The following MEGF10 variants were observed in gnomAD, a reference collection of about 807,000 sequenced individuals.
MEGF10 encodes multiple EGF like domains 10.
Under a neutral mutation model 147.5 loss-of-function variants are expected in MEGF10, and 86 were observed. The observed-to-expected ratio is 0.58, with a 90% CI of 0.49 to 0.70. The LOEUF is 0.70. Among genes scored for constraint, MEGF10 ranks in the 30% least tolerant of loss-of-function variants. The probability of loss-of-function intolerance (pLI) is 0.00; values close to 1 mark genes in which losing one functional copy is unlikely to be tolerated. For missense variants in MEGF10, 1,329 were observed against 1,487.3 expected (o/e 0.89, Z 1.75); for synonymous variants, 478 against 525.5 (o/e 0.91, Z 1.24).
chr5:127,357,163 G>A (rs1301502628), intron 4 of MEGF10, among the ~76,000 whole-genome samples: 1 of 152,112 alleles, frequency 6.6e-6, no homozygotes, highest in Non-Finnish European at 1.5e-5. Context: ...AAGCTGGAAG[G>A]CTATAATAGA....
chr5:127,405,630 G>C (rs1013247537), intron 8 of MEGF10, among the ~76,000 whole-genome samples: 11 of 152,004 alleles, frequency 7.2e-5, no homozygotes, highest in African/African-American at 2.7e-4. Context: ...GCATAAATTT[G>C]AGCCTCCAAA....
chr5:127,280,194 A>T, the MEGF10 span, among the ~76,000 whole-genome samples: 169 of 152,346 alleles, frequency 1.1e-3, 4 homozygotes, highest in Middle Eastern at 6.8e-3. Flanking sequence ...TGAGAAAATG[A>T]TCCTCTCATT....
At chr5:127,355,450 C>T (rs1393817551) in intron 4 of MEGF10, among the ~76,000 whole-genome samples, 1 of 152,148 alleles carries the variant, frequency 6.6e-6, no homozygotes, top group Non-Finnish European at 1.5e-5. Flanking sequence ...AATATACCTA[C>T]CCATGATGCC....
At chr5:127,394,622 T>G (rs1763830307) in intron 5 of MEGF10, among the ~76,000 whole-genome samples, 1 of 152,098 alleles carries the variant, frequency 6.6e-6, no homozygotes, top group Admixed American at 6.5e-5. Flanking sequence ...CTTAAAGATT[T>G]TTTTCTTTTG....
At chr5:127,409,285 A>T (rs1764459934) in intron 8 of MEGF10, among the ~76,000 whole-genome samples, 1 of 152,224 alleles carries the variant, frequency 6.6e-6, no homozygotes. Context: ...AAAAAATGCA[A>T]GGCTGACCTA....
intron 1 of MEGF10, among the ~76,000 whole-genome samples, chr5:127,320,379 A>G (rs1760743236): frequency 6.6e-6 from 1 of 152,200 alleles, no homozygotes; most frequent in African/African-American, 2.4e-5. Context: ...TAATATGGAA[A>G]ATGACACTCG....
intron 5 of MEGF10, among the ~76,000 whole-genome samples, chr5:127,385,494 T>C (rs1397327103): frequency 6.6e-6 from 1 of 152,058 alleles, no homozygotes; most frequent in Admixed American, 6.5e-5. Flanking sequence ...GCTGGTCTCA[T>C]ACTCCTGACC....
chr5:127,454,557 T>G lies in MEGF10; in HGVS notation c.2981-9T>G, dbSNP rs763805264. The G allele has an allele frequency of 3.7e-6, 6 of 1,607,402 alleles. No homozygotes were observed. The highest frequency in any genetic ancestry group is 1.7e-5 in the Admixed American group (1 of 58,582). ...CTCACTGGGTGTTTTTTTTCTTCCT[T>G]TATTACAGGTGCTTTTGGACTTGAC... On this transcript the variant is annotated splice_polypyrimidine_tract_variant and intron_variant, in intron 22 of 24. Transcript: ENST00000503335.
At chr5:127,284,369 G>A in the MEGF10 span, among the ~76,000 whole-genome samples, 1 of 152,084 alleles carries the variant, frequency 6.6e-6, no homozygotes, top group Admixed American at 6.6e-5. Context: ...GAGCTTTAAG[G>A]CTCCTGAACA....
rs899351178 is a variant in MEGF10, at chr5:127,369,921, G to A, written c.331G>A (p.Asp111Asn). The change falls in exon 5 of 25, where the codon GAT becomes AAT. Residue 111 changes from aspartate to asparagine, a missense_variant. Asp to Asn is a conservative substitution (Grantham distance 23, BLOSUM62 1). Transcript: ENST00000503335. ...SGEMCVPHCADKCVHGRCIAP... is the reference protein window; with the variant it reads ...SGEMCVPHCANKCVHGRCIAP... ...TTTCTCTCTGACAGCCCACTGTGCT[G>A]ATAAATGTGTCCATGGTCGCTGTAT... The A allele has an allele frequency of 1.2e-6, 2 of 1,608,862 alleles. No individual in the cohort carries two copies. Among genetic ancestry groups the A allele is most frequent in the Non-Finnish European group, 1.7e-6 (2 of 1,177,140 alleles).
At chr5:127,367,876 C>T (rs967003069) in intron 4 of MEGF10, among the ~76,000 whole-genome samples, 31 of 152,164 alleles carry the variant, frequency 2.0e-4, no homozygotes, top group African/African-American at 5.8e-4. Flanking sequence ...AGAGCTCTCA[C>T]TGGTGGGAGA....
chr5:127,422,803 G>A, intron 13 of MEGF10, 31 bp downstream of exon 13: 1 of 1,531,502 alleles, frequency 6.5e-7, no homozygotes, highest in Non-Finnish European at 9.0e-7. Context: ...ATTGAAAGGT[G>A]AAACCCGCCA....
intron 13 of MEGF10, among the ~76,000 whole-genome samples, chr5:127,427,834 G>A (rs1765254945): frequency 6.6e-6 from 1 of 152,170 alleles, no homozygotes; most frequent in Non-Finnish European, 1.5e-5. Flanking sequence ...TTAGTCAAAT[G>A]AGTTTAATTA....
At chr5:127,246,775 T>C in the MEGF10 span, among the ~76,000 whole-genome samples, 1 of 137,818 alleles carries the variant, frequency 7.3e-6, no homozygotes, top group Non-Finnish European at 1.5e-5. Context: ...TTATAAATTA[T>C]ATTTATATAT....
chr5:127,326,237 G>A (rs1280445879), intron 1 of MEGF10, among the ~76,000 whole-genome samples: 2 of 151,872 alleles, frequency 1.3e-5, no homozygotes, highest in African/African-American at 4.8e-5. Context: ...ATGCTGGTAG[G>A]CACACTCATT....
the MEGF10 span, among the ~76,000 whole-genome samples, chr5:127,255,087 A>C: frequency 2.0e-5 from 3 of 151,920 alleles, no homozygotes; most frequent in African/African-American, 7.2e-5. Context: ...AATCATAGGA[A>C]TGTGGAAGAC....
chr5:127,398,538 G>T (rs774331795), intron 6 of MEGF10, 138 bp from the exon 7 acceptor site: 6 of 1,004,788 alleles, frequency 6.0e-6, no homozygotes, highest in Non-Finnish European at 8.8e-6. Flanking sequence ...TATGATTAAT[G>T]TTCTTGATGT....
intron 10 of MEGF10, among the ~76,000 whole-genome samples, chr5:127,418,328 T>G (rs1764856168): frequency 6.6e-6 from 1 of 152,236 alleles, no homozygotes. Flanking sequence ...TTTCTAAGAT[T>G]TCATAGTGAT....
intron 1 of MEGF10, among the ~76,000 whole-genome samples, chr5:127,327,060 A>G (rs899427602): frequency 2.0e-5 from 3 of 152,176 alleles, no homozygotes; most frequent in African/African-American, 7.2e-5. Context: ...ATTCATCCTG[A>G]TTATTTACTG....
Sources: gnomAD v4.1 joint callset for allele counts (sites outside exome capture counted in the v4.1 genomes callset) on GRCh38, gnomAD v4.1.1 for gene constraint, MANE v1.5 for transcripts, NCBI Gene and HGNC (gene_info 2026-07-23, HGNC 2026-07-21) for gene names.